Variants in CHST12 observed in about 807,000 individuals in gnomAD.
CHST12 encodes carbohydrate sulfotransferase 12, also known as carbohydrate (chondroitin 4) sulfotransferase 12.
CHST12 carries 23 observed loss-of-function variants against 27.9 expected under a neutral mutation model. The observed-to-expected ratio is 0.82, with a 90% CI of 0.59 to 1.17. The LOEUF (loss-of-function observed/expected upper bound fraction) is 1.17, where lower values mean the gene tolerates loss of function less well. Among genes scored for constraint, CHST12 ranks in the 50% most tolerant of loss-of-function variants. CHST12 has a pLI of 0.00. For synonymous variants in CHST12, 322 were observed against 273.0 expected, an observed-to-expected ratio of 1.18 and a Z score of -1.77; for missense variants, 682 against 603.0, an observed-to-expected ratio of 1.13 and a Z score of -1.37.
At position 2,441,462 on chromosome 7, in the gene CHST12, G is replaced by A. The variant is rs779058034; in HGVS notation, c.*7578G>A. On this transcript the variant is annotated 3_prime_UTR_variant, in exon 2 of 2. Transcript: ENST00000618655. ...AATCCCACCATTTTGGGAGCTCAAG[G>A]CAGGAGTATTGCTTGAGCCCAGAAG... 7 of 152,246 alleles carry A rather than the reference G, an allele frequency of 4.6e-5. No individual in the cohort carries two copies. The highest frequency in any genetic ancestry group is 8.8e-5 in the Non-Finnish European group (6 of 68,078). The allele number at this position is 152,246 out of a possible 1,614,324, so 9.4% of individuals were successfully genotyped here. A position where few individuals can be genotyped will look rare whatever the true frequency, so the allele number is the denominator to read the frequency against.
intron 1 of CHST12, chr7:2,404,041 C>T (rs1053146958): frequency 6.6e-6 from 1 of 152,148 alleles, no homozygotes; most frequent in African/African-American, 2.4e-5. Flanking sequence ...TCCCCCTGCC[C>T]GGCATCAGCC....
At chr7:2,423,944 A>G (rs563743588) in intron 1 of CHST12, among the ~76,000 whole-genome samples, 21 of 151,930 alleles carry the variant, frequency 1.4e-4, no homozygotes, top group Non-Finnish European at 2.6e-4. Context: ...GCACACGCCT[A>G]TGGTCCCAGC....
chr7:2,419,707 CAAAAAA>C (rs562438536), intron 1 of CHST12, among the ~76,000 whole-genome samples: 1 of 99,876 alleles, frequency 1.0e-5, no homozygotes, highest in Non-Finnish European at 2.2e-5. Context: ...AACTCCGTCT[CAAAAAA>C]AAAAAAAAAA....
rs1782491487 is a variant in CHST12 at position 2,437,053 on chromosome 7, T to C, written c.*3169T>C. ...GCAGCACCACACTGCGTAGAGACCT[T>C]TGGCTCTGGTTTTTTCTTTTTCCAC... On this transcript the variant is annotated 3_prime_UTR_variant, in exon 2 of 2. Transcript: ENST00000618655. The C allele has an allele frequency of 6.6e-6, 1 of 152,260 alleles. No homozygotes were observed. The highest frequency in any genetic ancestry group is 2.1e-4 in the South Asian group (1 of 4,838). The allele number at this position is 152,260 out of a possible 1,614,324, so 9.4% of individuals were successfully genotyped here.
intron 1 of CHST12, among the ~76,000 whole-genome samples, chr7:2,426,184 C>T (rs904213341): frequency 7.9e-5 from 12 of 152,178 alleles, no homozygotes; most frequent in African/African-American, 2.9e-4. Context: ...ACGTCCTTAG[C>T]AAGAAGCCAA....
rs1248970862 is a variant in CHST12 at position 2,440,709 on chromosome 7, C to T, written c.*6825C>T. 2.6e-5 allele frequency: 4 copies of T among 152,178 alleles called. No homozygotes were observed. The highest frequency in any genetic ancestry group is 1.3e-4 in the Admixed American group (2 of 15,274). 9.4% of individuals were successfully genotyped at this position (152,178 alleles called of 1,614,324 possible). A position where few individuals can be genotyped will look rare whatever the true frequency, so the allele number is the denominator to read the frequency against. On this transcript the variant is annotated 3_prime_UTR_variant, in exon 2 of 2. Coordinates refer to ENST00000618655, the MANE Select transcript of CHST12 (RefSeq NM_018641.5). ...TAGTTAGGAATTCACCTTCACACTT[C>T]CAGAAACTGCCAAGAAGAATGCCGC...
At position 2,432,795 on chromosome 7, in the gene CHST12, C is replaced by G; in HGVS notation, c.156C>G (p.Pro52=). ...ACACGGGGCCGCCGCTGCCCACGCC[C>G]GGGCCGGACAGGGACAGGGAGCTCA... ...RPHTGPPLPT[P]GPDRDRELTA... Residue 52 remains proline, a synonymous_variant, in exon 2 of 2, where the codon CCC becomes CCG. Coordinates refer to ENST00000618655, the MANE Select transcript of CHST12 (RefSeq NM_018641.5). The G allele has an allele frequency of 6.2e-7, 1 of 1,613,786 alleles. No homozygotes were observed. Among genetic ancestry groups the G allele is most frequent in the Non-Finnish European group, 8.5e-7 (1 of 1,179,822 alleles).
Position 2,443,867 on chromosome 7 carries a change from G to A in CHST12, c.*9983G>A, listed in dbSNP as rs998723998. 4.6e-5 allele frequency: 7 copies of A among 152,216 alleles called. No individual in the cohort carries two copies. The highest frequency in any genetic ancestry group is 2.1e-4 in the South Asian group (1 of 4,826). The allele number at this position is 152,216 out of a possible 1,614,324, so 9.4% of individuals were successfully genotyped here. Reference sequence around the variant, plus strand: ...GGTGCCTTTTAAAGAAAATGACACCGGCCAGGTGCGGTGGCTCATGGCTGT... The same window carrying A: ...GGTGCCTTTTAAAGAAAATGACACCAGCCAGGTGCGGTGGCTCATGGCTGT... On this transcript the variant is annotated 3_prime_UTR_variant, in exon 2 of 2. Transcript: ENST00000618655.
chr7:2,420,019 G>A (rs1220174894), intron 1 of CHST12, among the ~76,000 whole-genome samples: 1 of 132,690 alleles, frequency 7.5e-6, no homozygotes, highest in Non-Finnish European at 1.6e-5. Flanking sequence ...TGTTGCCCAG[G>A]CTGGAGTGCA....
At position 2,432,715 on chromosome 7, in the gene CHST12, T is replaced by C; in HGVS notation, c.76T>C (p.Trp26Arg). 6.2e-7 allele frequency: 1 copy of C among 1,613,936 alleles called. No homozygotes were observed. The highest frequency in any genetic ancestry group is 8.5e-7 in the Non-Finnish European group (1 of 1,179,898). The change falls in exon 2 of 2, where the codon TGG (tryptophan) becomes CGG (arginine). Residue 26 changes from tryptophan to arginine, a missense_variant. Physicochemically the swap from Trp to Arg is moderately radical, Grantham distance 101. Coordinates refer to ENST00000618655, the MANE Select transcript of CHST12 (RefSeq NM_018641.5). ...VFMILLIIVY[W>R]DSAGAAHFYL... ...CATGATCCTGCTGATCATCGTGTACTGGGACAGCGCAGGCGCCGCGCACTT... is the reference window on the plus strand; with the variant it reads ...CATGATCCTGCTGATCATCGTGTACCGGGACAGCGCAGGCGCCGCGCACTT...
rs1218112709 is a variant in CHST12 at position 2,444,809 on chromosome 7, C to G, written c.*10925C>G. 6.6e-6 allele frequency: 1 copy of G among 152,234 alleles called. No homozygotes were observed. Among genetic ancestry groups the G allele is most frequent in the Non-Finnish European group, 1.5e-5 (1 of 68,054 alleles). 9.4% of individuals were successfully genotyped at this position (152,234 alleles called of 1,614,324 possible). ...TCACAGTTTGTGTGTCCTCACAGAG[C>G]AAGGAAGTTCTGTGAGCCTCATTCA... is the stretch of plus-strand genomic sequence containing the variant. On this transcript the variant is annotated 3_prime_UTR_variant, in exon 2 of 2. Transcript: ENST00000618655.
At chr7:2,413,095 G>C (rs1454944998) in intron 1 of CHST12, among the ~76,000 whole-genome samples, 1 of 152,168 alleles carries the variant, frequency 6.6e-6, no homozygotes. Flanking sequence ...GCTCTCGGTA[G>C]CTCTGGTTAG....
intron 1 of CHST12, among the ~76,000 whole-genome samples, chr7:2,404,460 G>A (rs995807634): frequency 2.0e-5 from 3 of 152,228 alleles, no homozygotes; most frequent in African/African-American, 7.2e-5. Flanking sequence ...GGACTCGGAA[G>A]CCCCGGGGTG....
At position 2,436,308 on chromosome 7, in the gene CHST12, A is replaced by G. The variant is rs1252534608; in HGVS notation, c.*2424A>G. The G allele has an allele frequency of 6.6e-6, 1 of 152,220 alleles. No homozygotes were observed. Among genetic ancestry groups the G allele is most frequent in the Non-Finnish European group, 1.5e-5 (1 of 68,038 alleles). 9.4% of individuals were successfully genotyped at this position (152,220 alleles called of 1,614,324 possible). ...CACTCGCTCCCCATTGGTAGAAGGC[A>G]GCAGCTTCCACTCTCTGATTTCTAC... On this transcript the variant is annotated 3_prime_UTR_variant, in exon 2 of 2. Transcript: ENST00000618655.
At chr7:2,416,641 A>G (rs1275837952) in intron 1 of CHST12, among the ~76,000 whole-genome samples, 1 of 152,224 alleles carries the variant, frequency 6.6e-6, no homozygotes, top group South Asian at 2.1e-4. Flanking sequence ...GTATTTTGCC[A>G]AGGTTAAGAA....
chr7:2,433,914 C>T lies in CHST12; in HGVS notation c.*30C>T, dbSNP rs745655711. 16 of 1,535,902 alleles carry T rather than the reference C, an allele frequency of 1.0e-5. No homozygotes were observed. The highest frequency in any genetic ancestry group is 1.4e-5 in the African/African-American group (1 of 72,090). ...TTTCGCGTTGCTTTTTCTCGCGTGC[C>T]TGGAACCTGACGCACGCGCACTCCA... On this transcript the variant is annotated 3_prime_UTR_variant, in exon 2 of 2. Coordinates refer to ENST00000618655, the MANE Select transcript of CHST12 (RefSeq NM_018641.5). This position sits in a 1 kb window ranked among gnomAD's most constrained non-coding sequence, Gnocchi z 6.1.
intron 1 of CHST12, among the ~76,000 whole-genome samples, chr7:2,421,110 T>A (rs1042192619): frequency 6.6e-6 from 1 of 151,736 alleles, no homozygotes; most frequent in African/African-American, 2.4e-5. Context: ...CAGGCTGGAG[T>A]GCAGTGGTGC....
chr7:2,423,882 C>A (rs1032042098), intron 1 of CHST12, among the ~76,000 whole-genome samples: 1 of 152,216 alleles, frequency 6.6e-6, no homozygotes, highest in Non-Finnish European at 1.5e-5. Flanking sequence ...GCCTGGGCAA[C>A]ATGGCAAGAC....
Position 2,447,648 on chromosome 7 carries a change from T to G in CHST12, c.*13764T>G, listed in dbSNP as rs1273317925. 6.6e-6 allele frequency: 1 copy of G among 152,114 alleles called. No individual in the cohort carries two copies. Among genetic ancestry groups the G allele is most frequent in the African/African-American group, 2.4e-5 (1 of 41,426 alleles). 9.4% of individuals were successfully genotyped at this position (152,114 alleles called of 1,614,324 possible). On this transcript the variant is annotated 3_prime_UTR_variant, in exon 2 of 2. Transcript: ENST00000618655. ...CCACCAAGCCCAGCTAATTTTTGTA[T>G]TTTTAGTAGAGATGAGGTTTCACCA... is the stretch of plus-strand genomic sequence containing the variant.
Sources: allele counts gnomAD v4.1 joint callset (sites outside exome capture counted in the v4.1 genomes callset), GRCh38; gene constraint gnomAD v4.1.1; non-coding constraint Gnocchi (gnomAD v3.1); transcripts MANE v1.5; gene names NCBI Gene and HGNC (gene_info 2026-07-23, HGNC 2026-07-21).